The following DNAH1 variants were observed in gnomAD, a reference collection of about 807,000 sequenced individuals.
DNAH1 encodes axonemal beta dynein heavy chain 1.
Under a neutral mutation model 484.3 loss-of-function variants are expected in DNAH1, and 327 were observed. That is an observed-to-expected ratio of 0.68 (90% confidence interval 0.62 to 0.74). The LOEUF (loss-of-function observed/expected upper bound fraction) is 0.74, where lower values mean the gene tolerates loss of function less well. Ranked by LOEUF, DNAH1 falls within the 30% of genes least tolerant of loss-of-function variation. DNAH1 has a pLI of 0.00. For synonymous variants in DNAH1, 2,192 were observed against 2,191.9 expected (o/e 1.00, Z 0.00); for missense variants, 5,052 against 5,546.8 (o/e 0.91, Z 2.83).
rs1191544813 is a variant in DNAH1, at chr3:52,383,399, C to A, written c.7955C>A (p.Ser2652Tyr). The A allele has an allele frequency of 6.2e-7, 1 of 1,613,714 alleles. No individual in the cohort carries two copies. The highest frequency in any genetic ancestry group is 1.1e-5 in the South Asian group (1 of 91,012). Residue 2652 changes from serine to tyrosine, a missense_variant, in exon 51 of 78, where the codon TCC becomes TAC. Coordinates refer to ENST00000420323, the MANE Select transcript of DNAH1 (RefSeq NM_015512.5). ...LFSDTQIKNE[S>Y]FLEDINNVLN... Reference sequence around the variant, plus strand: ...ACCCCTCCCCAGATCAAGAACGAATCCTTCCTGGAAGATATCAACAACGTC... The same window carrying A: ...ACCCCTCCCCAGATCAAGAACGAATACTTCCTGGAAGATATCAACAACGTC...
At chr3:52,359,184 G>T in intron 25 of DNAH1, 62 bp from the exon 26 acceptor site, 1 of 1,534,486 alleles carries the variant, frequency 6.5e-7, no homozygotes, top group South Asian at 1.2e-5. Context: ...TTCAGAGGAA[G>T]AAGAAAGAAT....
chr3:52,375,558 G>C (rs1164233028), intron 45 of DNAH1, 145 bp downstream of exon 45: 2 of 871,850 alleles, frequency 2.3e-6, no homozygotes, highest in Non-Finnish European at 3.5e-6. Context: ...TCAGCTGTGT[G>C]ATCTTTGGCA....
At chr3:52,324,407 TG>T (rs1268036929) in intron 3 of DNAH1, among the ~76,000 whole-genome samples, 1 of 152,044 alleles carries the variant, frequency 6.6e-6, no homozygotes, top group African/African-American at 2.4e-5. Context: ...CCTTCCCCAG[TG>T]GCAGAGGGGA....
chr3:52,318,365 G>T (rs899139673), intron 1 of DNAH1, among the ~76,000 whole-genome samples: 17 of 152,242 alleles, frequency 1.1e-4, no homozygotes, highest in Non-Finnish European at 7.3e-5. Flanking sequence ...ACTTCAAACA[G>T]CCTTGCAGTG....
At chr3:52,314,253 G>A (rs975125404), upstream of DNAH1, among the ~76,000 whole-genome samples, 2 of 152,218 alleles carry the variant, frequency 1.3e-5, no homozygotes, top group East Asian at 3.8e-4. Context: ...AGCTCCTGGA[G>A]CCCCCCTGGG....
At position 52,361,753 on chromosome 3, in the gene DNAH1, C is replaced by T. The variant is rs562192705; in HGVS notation, c.4967C>T (p.Ala1656Val). The T allele has an allele frequency of 1.3e-5, 21 of 1,608,268 alleles. No homozygotes were observed. The South Asian group carries it at 1.8e-4, about 14-fold the overall frequency. The change falls in exon 30 of 78, where the codon GCG becomes GTG. Residue 1656 changes from alanine to valine, a missense_variant. Physicochemically the swap from Ala to Val is moderately conservative, Grantham distance 64. Coordinates refer to ENST00000420323, the MANE Select transcript of DNAH1 (RefSeq NM_015512.5). This position sits in a 1 kb window ranked among gnomAD's most constrained non-coding sequence, Gnocchi z 5.6. ...VAQQITTIQK[A>V]QQQRVERFMF... The stretch of plus-strand genomic sequence containing the variant: ...CAGCAGATCACCACCATCCAGAAGG[C>T]GCAGCAGCAGCGGGTGAGCCCGGGG...
At chr3:52,359,021 G>A (rs553037111) in intron 25 of DNAH1, among the ~76,000 whole-genome samples, 2 of 152,280 alleles carry the variant, frequency 1.3e-5, no homozygotes, top group East Asian at 3.9e-4. Flanking sequence ...ATAACCGGCA[G>A]CTGGGCTCTA....
intron 44 of DNAH1, chr3:52,373,583 C>T: frequency 6.8e-7 from 1 of 1,474,232 alleles, no homozygotes; most frequent in Non-Finnish European, 9.5e-7. Context: ...TGAAGAAAGA[C>T]AAACAGCAAA....
chr3:52,311,909 C>A (rs1235163356), upstream of DNAH1, among the ~76,000 whole-genome samples: 4 of 152,354 alleles, frequency 2.6e-5, no homozygotes, highest in East Asian at 7.7e-4. Context: ...ACCTCAGCCC[C>A]TCCATGGGCA....
intron 55 of DNAH1, 141 bp from the exon 56 acceptor site, chr3:52,386,521 C>T: frequency 7.8e-7 from 1 of 1,289,110 alleles, no homozygotes; most frequent in Non-Finnish European, 1.0e-6. Context: ...TGGGCTGAGG[C>T]CAACCTCGGT....
chr3:52,317,160 A>C (rs1344112816), intron 1 of DNAH1, among the ~76,000 whole-genome samples: 1 of 152,202 alleles, frequency 6.6e-6, no homozygotes, highest in African/African-American at 2.4e-5. Flanking sequence ...TTCTTCAAAC[A>C]CTTCAGGCCA....
At position 52,388,832 on chromosome 3, in the gene DNAH1, G is replaced by A. The variant is rs1433162586; in HGVS notation, c.9390G>A (p.Lys3130=). ...GKLINGLSDE[K]VRWQETVENL... ...TCATCAACGGGCTGTCGGATGAGAA[G>A]GTGCGCTGGCAGGAGACGGTGGAGA... Residue 3130 remains lysine (K), a synonymous_variant, in exon 59 of 78, where the codon AAG becomes AAA. Coordinates refer to ENST00000420323, the MANE Select transcript of DNAH1 (RefSeq NM_015512.5). The A allele has an allele frequency of 6.2e-7, 1 of 1,613,728 alleles. No individual in the cohort carries two copies.
In DNAH1 at chr3:52,381,648, G is replaced by C; in HGVS notation, c.7617G>C (p.Gln2539His). 6.2e-7 allele frequency: 1 copy of C among 1,604,630 alleles called. No homozygotes were observed. Among genetic ancestry groups the C allele is most frequent in the Non-Finnish European group, 8.5e-7 (1 of 1,174,964 alleles). ...ELITSESKMM[Q>H]VIEEYIEDYN... Reference sequence around the variant, plus strand: ...CTCGCCTTGGTGCACAGATGATGCAGGTGATAGAGGAGTACATAGAGGACT... The same window carrying C: ...CTCGCCTTGGTGCACAGATGATGCACGTGATAGAGGAGTACATAGAGGACT... Residue 2539 changes from glutamine to histidine, a missense_variant, in exon 49 of 78, where the codon CAG becomes CAC. Around this residue, in one of 4 missense-constraint regions of DNAH1, gnomAD observed 2,929 missense variants for 3,409.4 expected, o/e 0.86. Transcript: ENST00000420323. This position sits in a 1 kb window ranked among gnomAD's most constrained non-coding sequence, Gnocchi z 4.1.
intron 44 of DNAH1, chr3:52,374,694 A>G (rs1703506669): frequency 2.8e-6 from 4 of 1,416,358 alleles, no homozygotes; most frequent in Non-Finnish European, 4.0e-6. Flanking sequence ...CCACAACTCA[A>G]AGACCCATTG....
In DNAH1 at chr3:52,364,886, G is replaced by A. The variant is rs779721018; in HGVS notation, c.5385G>A (p.Gln1795=). The change falls in exon 34 of 78, where the codon CAG becomes CAA. Residue 1795 remains glutamine, a synonymous_variant. Transcript: ENST00000420323. This position sits in a 1 kb window ranked among gnomAD's most constrained non-coding sequence, Gnocchi z 4.2. ...ATGTGAACGTGCCCAAGTTCCTGCA[G>A]GAGGACCTCAAGCTCTTCTCTGGCA... ...IRDVNVPKFL[Q]EDLKLFSGIV... is the part of the protein sequence containing the mutation. 2.5e-6 allele frequency: 4 copies of A among 1,613,868 alleles called. No individual in the cohort carries two copies. The Admixed American group carries it at 6.7e-5, about 27-fold the overall frequency.
In DNAH1 at chr3:52,395,677, A is replaced by C; in HGVS notation, c.11258A>C (p.Lys3753Thr). Residue 3753 changes from lysine to threonine, a missense_variant and splice_region_variant, in exon 70 of 78, where the codon AAG (lysine) becomes ACG (threonine). Around this residue, in one of 4 missense-constraint regions of DNAH1, gnomAD observed 853 missense variants for 899.0 expected, o/e 0.95. Transcript: ENST00000420323. This position sits in a 1 kb window ranked among gnomAD's most constrained non-coding sequence, Gnocchi z 4.4. ...CTCATCGAGCACATCAACCCCGACA[A>C]GGTGTGTTGCCCTGCCCATCACAGA... ...ERLIEHINPD[K>T]VHRDFRLWLT... 4 of 1,613,072 alleles carry C rather than the reference A, an allele frequency of 2.5e-6. No individual in the cohort carries two copies. Among genetic ancestry groups the C allele is most frequent in the Non-Finnish European group, 3.4e-6 (4 of 1,179,558 alleles).
rs535961716 is a variant in DNAH1, at chr3:52,344,438, G to A, written c.1287-52G>A. On this transcript the variant is annotated intron_variant, in intron 8 of 77. Coordinates refer to ENST00000420323, the MANE Select transcript of DNAH1 (RefSeq NM_015512.5). The stretch of plus-strand genomic sequence containing the variant: ...GAGCAGAGCTTGGGCCCCGGCTGGG[G>A]TTCACAGGGTGTGGAGCCCCTGATT... 4.4e-6 allele frequency: 7 copies of A among 1,590,110 alleles called. No individual in the cohort carries two copies. In the East Asian group the frequency reaches 1.3e-4, roughly 31 times the overall value.
At chr3:52,375,548 T>A (rs2153224919) in intron 45 of DNAH1, 135 bp downstream of exon 45, 1 of 928,894 alleles carries the variant, frequency 1.1e-6, no homozygotes, top group Non-Finnish European at 1.6e-6. Flanking sequence ...CACCTCTCAC[T>A]CAGCTGTGTG....
chr3:52,344,480 C>A lies in DNAH1; in HGVS notation c.1287-10C>A. ...CCCCTGATTCCCCCATCTCCCATCTCTATGGGCAGGGTTCTAGAGCACCTC... is the reference window on the plus strand; with the variant it reads ...CCCCTGATTCCCCCATCTCCCATCTATATGGGCAGGGTTCTAGAGCACCTC... On this transcript the variant is annotated splice_polypyrimidine_tract_variant and intron_variant, in intron 8 of 77. Transcript: ENST00000420323. 1 of 1,612,110 alleles carries A rather than the reference C, an allele frequency of 6.2e-7. No individual in the cohort carries two copies. Among genetic ancestry groups the A allele is most frequent in the Non-Finnish European group, 8.5e-7 (1 of 1,178,478 alleles).
Sources: allele counts gnomAD v4.1 joint callset (sites outside exome capture counted in the v4.1 genomes callset), GRCh38; gene constraint gnomAD v4.1.1; regional missense constraint gnomAD v4.1.1; non-coding constraint Gnocchi (gnomAD v3.1); transcripts MANE v1.5; gene names NCBI Gene and HGNC (gene_info 2026-07-23, HGNC 2026-07-21).